The following ARL2 variants were observed in gnomAD, a reference collection of about 807,000 sequenced individuals.
ARL2 encodes ADP-ribosylation factor-like protein 2.
ARL2 carries 11 observed loss-of-function variants against 22.0 expected under a neutral mutation model. The observed-to-expected ratio is 0.50, with a 90% CI of 0.31 to 0.83. The LOEUF (loss-of-function observed/expected upper bound fraction) is 0.83, where lower values mean the gene tolerates loss of function less well. ARL2 is among the 40% of genes least tolerant of loss of function. The pLI, the probability that ARL2 is intolerant of heterozygous loss-of-function variation, is 0.04. For synonymous variants in ARL2, 111 were observed against 100.8 expected, an observed-to-expected ratio of 1.10 and a Z score of -0.61; for missense variants, 216 against 243.2, an observed-to-expected ratio of 0.89 and a Z score of 0.74.
intron 4 of ARL2, among the ~76,000 whole-genome samples, chr11:65,020,864 C>T (rs916246807): frequency 3.7e-5 from 5 of 134,456 alleles, no homozygotes; most frequent in Admixed American, 7.4e-5. Flanking sequence ...AGTGAGACTT[C>T]GTCTCAAAAA....
At chr11:65,015,693 G>T (rs1427129569) in intron 1 of ARL2, among the ~76,000 whole-genome samples, 1 of 151,982 alleles carries the variant, frequency 6.6e-6, no homozygotes, top group East Asian at 1.9e-4. Flanking sequence ...GGCTGAGGTG[G>T]GAGGTTCGCT....
chr11:65,020,336 A>T, intron 3 of ARL2, 83 bp from the exon 4 acceptor site: 1 of 1,165,574 alleles, frequency 8.6e-7, no homozygotes, highest in Non-Finnish European at 1.3e-6. Flanking sequence ...TCGATCCTTC[A>T]CCCCAGATGC....
At chr11:65,021,576 G>A (rs144010803) in intron 4 of ARL2, 145 bp from the exon 5 acceptor site, 4 of 1,062,618 alleles carry the variant, frequency 3.8e-6, no homozygotes, top group Middle Eastern at 3.2e-4. Flanking sequence ...CTCTCCCTGG[G>A]ACCGGCGGGG....
Position 65,020,483 on chromosome 11 carries a change from C to G in ARL2, c.404C>G (p.Ser135Cys). The G allele has an allele frequency of 1.2e-6, 2 of 1,611,730 alleles. No homozygotes were observed. Among genetic ancestry groups the G allele is most frequent in the East Asian group, 4.5e-5 (2 of 44,788 alleles). ...NKQDLPGALSSNAIREVLELD... is the reference protein window; with the variant it reads ...NKQDLPGALSCNAIREVLELD... ...CAGGACCTGCCTGGAGCACTGTCCT[C>G]TAACGCCATCCGCGAGGTGAGTCCA... The change falls in exon 4 of 5, where the codon TCT (serine) becomes TGT (cysteine). Residue 135 changes from serine to cysteine, a missense_variant. Coordinates refer to ENST00000246747, the MANE Select transcript of ARL2 (RefSeq NM_001667.4).
chr11:65,020,586 A>G, intron 4 of ARL2, 87 bp downstream of exon 4: 10 of 1,373,764 alleles, frequency 7.3e-6, no homozygotes, highest in Non-Finnish European at 9.9e-6. Flanking sequence ...ATAACCAAAA[A>G]GGCTGGGTGC....
At position 65,018,274 on chromosome 11, in the gene ARL2, G is replaced by T. The variant is rs958802777; in HGVS notation, c.66-90G>T. 9.8e-7 allele frequency: 1 copy of T among 1,023,970 alleles called. No homozygotes were observed. Among genetic ancestry groups the T allele is most frequent in the African/African-American group, 1.6e-5 (1 of 62,060 alleles). 63.4% of individuals were successfully genotyped at this position (1,023,970 alleles called of 1,614,324 possible). A position where few individuals can be genotyped will look rare whatever the true frequency, so the allele number is the denominator to read the frequency against. On this transcript the variant is annotated intron_variant, in intron 1 of 4. Transcript: ENST00000246747. The surrounding 1 kb of genome is among the most constrained non-coding windows in gnomAD (Gnocchi z 4.2). The stretch of plus-strand genomic sequence containing the variant: ...TGTGCTCAACTCAGTTTGATACATG[G>T]TGGGAAATAATGAGTCCCCTAAGGG...
chr11:65,022,097 C>T lies in ARL2; in HGVS notation c.*242C>T, dbSNP rs535477031. 26 of 549,222 alleles carry T rather than the reference C, an allele frequency of 4.7e-5. No individual in the cohort carries two copies. The South Asian group carries it at 6.2e-4, about 13-fold the overall frequency. The allele number at this position is 549,222 out of a possible 1,614,324, so 34.0% of individuals were successfully genotyped here. On this transcript the variant is annotated 3_prime_UTR_variant, in exon 5 of 5. Coordinates refer to ENST00000246747, the MANE Select transcript of ARL2 (RefSeq NM_001667.4). ...TGGCTACCATACCAAGAAGAGAGGG[C>T]TGGGCGGGGAGGAGCTGCTACTGCT...
rs760922486 is a variant in ARL2, at chr11:65,018,641, A to T, written c.247A>T (p.Ser83Cys). 2.5e-6 allele frequency: 4 copies of T among 1,614,098 alleles called. No homozygotes were observed. In the South Asian group the frequency reaches 3.3e-5, roughly 13 times the overall value. The part of the protein sequence containing the change: ...LRSYWRNYFE[S>C]TDGLIWVVDS... Reference sequence around the variant, plus strand: ...GTCCTACTGGCGGAACTACTTTGAGAGCACCGATGGCCTCATCTGGGTAGT... The same window carrying T: ...GTCCTACTGGCGGAACTACTTTGAGTGCACCGATGGCCTCATCTGGGTAGT... The change falls in exon 3 of 5, where the codon AGC (serine) becomes TGC (cysteine). Residue 83 changes from serine (S) to cysteine (C), a missense_variant. By Grantham distance (112) the Ser-to-Cys change is moderately radical. Coordinates refer to ENST00000246747, the MANE Select transcript of ARL2 (RefSeq NM_001667.4). This position sits in a 1 kb window ranked among gnomAD's most constrained non-coding sequence, Gnocchi z 4.2.
chr11:65,014,417 C>G, intron 1 of ARL2, 145 bp downstream of exon 1: 1 of 648,010 alleles, frequency 1.5e-6, no homozygotes, highest in Non-Finnish European at 2.5e-6. Flanking sequence ...TCAATCGCCC[C>G]GTCGGGCCGG....
At chr11:65,021,635 T>C in intron 4 of ARL2, 86 bp from the exon 5 acceptor site, 1 of 1,452,414 alleles carries the variant, frequency 6.9e-7, no homozygotes, top group Non-Finnish European at 9.2e-7. Flanking sequence ...AGGCGTGGAG[T>C]TCCTCTGGGC....
chr11:65,019,048 T>A, intron 3 of ARL2: 1 of 928,610 alleles, frequency 1.1e-6, no homozygotes, highest in Non-Finnish European at 1.5e-6. Context: ...CGAGAGGCCA[T>A]GGAGCCTGGC....
At chr11:65,014,351 C>A in intron 1 of ARL2, 79 bp downstream of exon 1, 2 of 1,232,628 alleles carry the variant, frequency 1.6e-6, no homozygotes, top group South Asian at 1.5e-5. Context: ...CTGTCGGGAG[C>A]GGAACGCGGC....
In ARL2 at chr11:65,021,860, C is replaced by T. The variant is rs370945888; in HGVS notation, c.*5C>T. On this transcript the variant is annotated 3_prime_UTR_variant, in exon 5 of 5. Transcript: ENST00000246747. Reference sequence around the variant, plus strand: ...CGCATTTTCACAGCTGACTGAACCACTCCAGATGCCCCCCACCTAGCAGTC... The same window carrying T: ...CGCATTTTCACAGCTGACTGAACCATTCCAGATGCCCCCCACCTAGCAGTC... The T allele has an allele frequency of 2.1e-5, 34 of 1,610,574 alleles. No homozygotes were observed. The African/African-American group carries it at 3.6e-4, about 17-fold the overall frequency.
chr11:65,018,776 C>T lies in ARL2; in HGVS notation c.339+43C>T. The T allele has an allele frequency of 6.2e-7, 1 of 1,609,948 alleles. No homozygotes were observed. Among genetic ancestry groups the T allele is most frequent in the Non-Finnish European group, 8.5e-7 (1 of 1,179,546 alleles). ...TTTGTGTACATGTATGGACGTGTGG[C>T]TGCCTTCTCAGCAGATGCCCAGAGG... On this transcript the variant is annotated intron_variant, in intron 3 of 4. Transcript: ENST00000246747. The surrounding 1 kb of genome is among the most constrained non-coding windows in gnomAD (Gnocchi z 4.2).
In ARL2 at chr11:65,022,003, T is replaced by C; in HGVS notation, c.*148T>C. 8.3e-7 allele frequency: 1 copy of C among 1,212,036 alleles called. No individual in the cohort carries two copies. The highest frequency in any genetic ancestry group is 1.1e-6 in the Non-Finnish European group (1 of 880,024). The allele number at this position is 1,212,036 out of a possible 1,614,324, so 75.1% of individuals were successfully genotyped here. A position where few individuals can be genotyped will look rare whatever the true frequency, so the allele number is the denominator to read the frequency against. On this transcript the variant is annotated 3_prime_UTR_variant, in exon 5 of 5. Transcript: ENST00000246747. The stretch of plus-strand genomic sequence containing the variant: ...CTGCTACTGCTGCCCGCTGCTGCTC[T>C]GTGGCCACCCGGCTCCCATGGCGGG...
intron 1 of ARL2, among the ~76,000 whole-genome samples, chr11:65,016,278 GGA>G (rs1491027946): frequency 4.3e-5 from 6 of 140,876 alleles, no homozygotes; most frequent in African/African-American, 1.3e-4. Context: ...CGGGGGGGGG[GGA>G]AACTTTAAAG....
intron 1 of ARL2, among the ~76,000 whole-genome samples, chr11:65,016,911 G>A (rs573464114): frequency 4.6e-5 from 7 of 152,176 alleles, no homozygotes; most frequent in African/African-American, 1.4e-4. Flanking sequence ...GGCAGCGCAT[G>A]TGCTGGGGAG....
intron 4 of ARL2, 89 bp downstream of exon 4, chr11:65,020,588 G>A (rs947805930): frequency 7.4e-7 from 1 of 1,356,032 alleles, no homozygotes; most frequent in South Asian, 1.4e-5. Flanking sequence ...AACCAAAAAG[G>A]CTGGGTGCAG....
At position 65,018,595 on chromosome 11, in the gene ARL2, G is replaced by A; in HGVS notation, c.201G>A (p.Val67=). The A allele has an allele frequency of 2.5e-6, 4 of 1,611,964 alleles. No homozygotes were observed. The highest frequency in any genetic ancestry group is 3.4e-6 in the Non-Finnish European group (4 of 1,179,008). Residue 67 remains valine (V), a synonymous_variant, in exon 3 of 5, where the codon GTG becomes GTA. Transcript: ENST00000246747. This position sits in a 1 kb window ranked among gnomAD's most constrained non-coding sequence, Gnocchi z 4.2. The part of the protein sequence containing the change: ...HRGFKLNIWD[V]GGQKSLRSYW... ...GATTCAAGCTGAACATCTGGGATGTGGGTGGCCAGAAGTCCCTGCGGTCCT... is the reference window on the plus strand; with the variant it reads ...GATTCAAGCTGAACATCTGGGATGTAGGTGGCCAGAAGTCCCTGCGGTCCT...
Sources: allele counts gnomAD v4.1 joint callset (sites outside exome capture counted in the v4.1 genomes callset), GRCh38; gene constraint gnomAD v4.1.1; non-coding constraint Gnocchi (gnomAD v3.1); transcripts MANE v1.5; gene names NCBI Gene and HGNC (gene_info 2026-07-23, HGNC 2026-07-21).